The following SPIN1 variants were observed in gnomAD, a reference collection of about 807,000 sequenced individuals.
SPIN1 encodes the protein spindlin 1.
In SPIN1, 3 loss-of-function variants were observed where a neutral mutation model predicts 26.0. The ratio of observed to expected loss-of-function variants is 0.12; its 90% CI spans 0.05 to 0.30. The LOEUF (loss-of-function observed/expected upper bound fraction) is 0.30, where lower values mean the gene tolerates loss of function less well. Among genes scored for constraint, SPIN1 ranks in the 10% least tolerant of loss-of-function variants. The pLI, the probability that SPIN1 is intolerant of heterozygous loss-of-function variation, is 1.00. For synonymous variants in SPIN1, 101 were observed against 116.5 expected (o/e 0.87, Z 0.86); for missense variants, 126 against 333.4 (o/e 0.38, Z 4.84).
intron 2 of SPIN1, among the ~76,000 whole-genome samples, chr9:88,431,851 A>T (rs779033383): frequency 3.9e-5 from 6 of 152,060 alleles, no homozygotes; most frequent in Middle Eastern, 3.4e-3. Flanking sequence ...GGAGTGTGAG[A>T]CTGCCTGGGC....
chr9:88,449,085 G>A (rs1007156725), intron 3 of SPIN1, 96 bp downstream of exon 3: 5 of 1,150,860 alleles, frequency 4.3e-6, no homozygotes, highest in Admixed American at 3.5e-5. Flanking sequence ...CCCTGTGATC[G>A]AGGGCTTCCT....
At chr9:88,401,095 G>A (rs1827176279) in intron 1 of SPIN1, among the ~76,000 whole-genome samples, 2 of 152,168 alleles carry the variant, frequency 1.3e-5, no homozygotes, top group African/African-American at 4.8e-5. Flanking sequence ...ACTTTGCTAG[G>A]ACCTTTTTGG....
chr9:88,388,728 G>C (rs938470156), intron 1 of SPIN1, among the ~76,000 whole-genome samples, 190 bp downstream of exon 1: 4 of 148,966 alleles, frequency 2.7e-5, no homozygotes, highest in African/African-American at 9.7e-5. Context: ...GGGCTGGGCG[G>C]GCCTGGGCCT....
chr9:88,476,549 C>T lies in SPIN1; in HGVS notation c.*1272C>T, dbSNP rs1828892171. ...TGTGGATTCATTCCATTCAGTGGCC[C>T]CTTGGGGTTTGCATGCCAGTGAAGC... On this transcript the variant is annotated 3_prime_UTR_variant, in exon 6 of 6. Transcript: ENST00000375859. The T allele has an allele frequency of 1.3e-5, 2 of 152,144 alleles. No individual in the cohort carries two copies. The highest frequency in any genetic ancestry group is 2.4e-5 in the African/African-American group (1 of 41,426). 9.4% of individuals were successfully genotyped at this position (152,144 alleles called of 1,614,324 possible). A position where few individuals can be genotyped will look rare whatever the true frequency, so the allele number is the denominator to read the frequency against.
At chr9:88,457,795 A>G (rs1466702846) in intron 3 of SPIN1, 3 of 964,368 alleles carry the variant, frequency 3.1e-6, no homozygotes, top group Admixed American at 6.2e-5. Flanking sequence ...CAGAGGATGT[A>G]TCTAGAAAGA....
intron 3 of SPIN1, among the ~76,000 whole-genome samples, chr9:88,453,764 G>A (rs1381126827): frequency 6.6e-6 from 1 of 152,178 alleles, no homozygotes; most frequent in African/African-American, 2.4e-5. Context: ...GACCTCAGGT[G>A]ATCCATCCGC....
rs559219890 is a variant in SPIN1, at chr9:88,416,397, C to T, written c.-158-9985C>T. Among the ~76,000 whole-genome samples the T allele has an allele frequency of 6.6e-4, 101 of 152,252 alleles. 1 individual carries two copies. The highest frequency in any genetic ancestry group is 3.9e-3 in the South Asian group (19 of 4,822). On this transcript the variant is annotated intron_variant, in intron 1 of 5. Transcript: ENST00000375859. ...GGAGTGCAGTGTGACTTGATCATAG[C>T]TCTCTGCAGCATCAAATTCTTGGGC...
At chr9:88,422,449 T>G (rs929010042) in intron 1 of SPIN1, among the ~76,000 whole-genome samples, 9 of 151,748 alleles carry the variant, frequency 5.9e-5, no homozygotes, top group Non-Finnish European at 1.0e-4. Flanking sequence ...CAAAGAAGAG[T>G]GGGATTTGTT....
chr9:88,408,376 CTTTTTTTTTT>C (rs1177261349), intron 1 of SPIN1, among the ~76,000 whole-genome samples: 5 of 115,438 alleles, frequency 4.3e-5, no homozygotes, highest in South Asian at 2.8e-4. Flanking sequence ...TCCTTTTTTT[CTTTTTTTTTT>C]TTTTTTTTTG....
At chr9:88,465,442 C>T (rs1480764179) in intron 4 of SPIN1, among the ~76,000 whole-genome samples, 4 of 152,154 alleles carry the variant, frequency 2.6e-5, no homozygotes, top group African/African-American at 4.8e-5. Context: ...AGTTCTCCAT[C>T]CCTTAGTCAG....
chr9:88,457,861 CCTTT>C, intron 3 of SPIN1: 1 of 984,666 alleles, frequency 1.0e-6, no homozygotes, highest in Non-Finnish European at 1.2e-6. Flanking sequence ...AACCAAAAAA[CCTTT>C]CTTGTTTCTA....
At chr9:88,436,712 C>T (rs921927299) in intron 2 of SPIN1, among the ~76,000 whole-genome samples, 8 of 145,690 alleles carry the variant, frequency 5.5e-5, no homozygotes, top group Admixed American at 3.5e-4. Flanking sequence ...AGATTGGATT[C>T]GTTCACTTAG....
chr9:88,411,128 A>G, intron 1 of SPIN1: 1 of 1,509,310 alleles, frequency 6.6e-7, no homozygotes, highest in East Asian at 2.2e-5. Flanking sequence ...GTCTTCTTTA[A>G]TGCCACCAAC....
chr9:88,421,469 A>G (rs1827665926), intron 1 of SPIN1, among the ~76,000 whole-genome samples: 1 of 152,050 alleles, frequency 6.6e-6, no homozygotes. Context: ...ACCACCACCC[A>G]CAGCTATCCT....
rs746468220 is a variant in SPIN1, at chr9:88,476,127, C to T, written c.*850C>T. 2 of 151,666 alleles carry T rather than the reference C, an allele frequency of 1.3e-5. No individual in the cohort carries two copies. Among genetic ancestry groups the T allele is most frequent in the African/African-American group, 2.4e-5 (1 of 41,260 alleles). The allele number at this position is 151,666 out of a possible 1,614,324, so 9.4% of individuals were successfully genotyped here. Reference sequence around the variant, plus strand: ...AATCATAAATTCTTTTTTGCAAAGCCCAGGTTCTTGTTCCACACAGTGTAA... The same window carrying T: ...AATCATAAATTCTTTTTTGCAAAGCTCAGGTTCTTGTTCCACACAGTGTAA... On this transcript the variant is annotated 3_prime_UTR_variant, in exon 6 of 6. Transcript: ENST00000375859.
At chr9:88,446,412 T>G (rs1405931761) in intron 2 of SPIN1, among the ~76,000 whole-genome samples, 1 of 137,118 alleles carries the variant, frequency 7.3e-6, no homozygotes, top group Non-Finnish European at 1.5e-5. Flanking sequence ...TTTGCTGTTT[T>G]TTTTTTTTTT....
chr9:88,396,685 T>C lies in SPIN1; in HGVS notation c.-159+8147T>C, dbSNP rs755712123. On this transcript the variant is annotated intron_variant, in intron 1 of 5. Transcript: ENST00000375859. ...TAATGTAGCCTCAAGGGTACACATA[T>C]AGTTGGTGTACATATAGCTTTACAT... Among the ~76,000 whole-genome samples the C allele has an allele frequency of 8.6e-4, 131 of 152,120 alleles. 1 individual carries two copies. The highest frequency in any genetic ancestry group is 3.4e-4 in the Non-Finnish European group (23 of 68,012).
intron 1 of SPIN1, chr9:88,391,731 C>A (rs1237522162): frequency 6.6e-6 from 1 of 152,152 alleles, no homozygotes; most frequent in Non-Finnish European, 1.5e-5. Context: ...ATTGACATCT[C>A]TGAGCAGAAG....
chr9:88,396,199 A>G (rs1827053339), intron 1 of SPIN1, among the ~76,000 whole-genome samples: 2 of 151,044 alleles, frequency 1.3e-5, no homozygotes, highest in Admixed American at 1.3e-4. Flanking sequence ...AGATCGCGCC[A>G]TTGCACTTCA....
Sources: allele counts gnomAD v4.1 joint callset (sites outside exome capture counted in the v4.1 genomes callset), GRCh38; gene constraint gnomAD v4.1.1; transcripts MANE v1.5; gene names NCBI Gene and HGNC (gene_info 2026-07-23, HGNC 2026-07-21).